AMER1: variants seen among roughly 807,000 people sequenced by gnomAD.
AMER1 encodes APC membrane recruitment protein 1.
A neutral mutation model predicts 53.0 loss-of-function variants in AMER1; 16 were observed. That is an observed-to-expected ratio of 0.30 (90% CI 0.20 to 0.46). The LOEUF (loss-of-function observed/expected upper bound fraction) is 0.46. Ranked by LOEUF, AMER1 falls within the 20% of genes least tolerant of loss-of-function variation. The pLI is 1.00. For synonymous variants in AMER1, 354 were observed against 331.9 expected, an observed-to-expected ratio of 1.07 and a Z score of -0.73; for missense variants, 947 against 884.9, an observed-to-expected ratio of 1.07 and a Z score of -0.89.
rs2147087278 is a variant in AMER1 at position 64,191,421 on chromosome X, C to T, written c.1866G>A (p.Glu622=). 8.3e-7 allele frequency: 1 copy of T among 1,212,089 alleles called. No individual in the cohort carries two copies. Among genetic ancestry groups the T allele is most frequent in the Non-Finnish European group, 1.1e-6 (1 of 895,542 alleles). ...GGGCCTGGGCTTCTCGGGTTCTGGC[C>T]TCCCTGCCATGAGCTTCCCAAGTGT... ...EAHTWEAHGR[E]ARTREAQARE... The change falls in exon 2 of 2, where the codon GAG becomes GAA. Residue 622 remains glutamate, a synonymous_variant. Coordinates refer to ENST00000374869, the MANE Select transcript of AMER1 (RefSeq NM_152424.4).
In AMER1 at chrX:64,191,989, T is replaced by G. The variant is rs766638131; in HGVS notation, c.1298A>C (p.His433Pro). The G allele has an allele frequency of 9.9e-6, 12 of 1,210,448 alleles. No homozygotes were observed. Among genetic ancestry groups the G allele is most frequent in the African/African-American group, 1.7e-5 (1 of 57,235 alleles). Reference protein sequence around the residue: ...LGYHPTTSPGHHGYMLLDPVR... With the variant: ...LGYHPTTSPGPHGYMLLDPVR... ...TGGGTCAAGGAGCATGTAGCCGTGG[T>G]GGCCTGGGGATGTGGTGGGATGGTA... Residue 433 changes from histidine (H) to proline (P), a missense_variant, in exon 2 of 2, where the codon CAC (histidine) becomes CCC (proline). Transcript: ENST00000374869.
chrX:64,199,036 T>C (rs935739881), intron 1 of AMER1, among the ~76,000 whole-genome samples: 1 of 112,409 alleles, frequency 8.9e-6, no homozygotes, highest in African/African-American at 3.2e-5. Context: ...CTTGGCTTGG[T>C]TGGCTGATGG....
Position 64,189,340 on chromosome X carries a change from C to T in AMER1, c.*539G>A. The T allele has an allele frequency of 5.1e-6, 4 of 785,160 alleles. No individual in the cohort carries two copies. Among genetic ancestry groups the T allele is most frequent in the Non-Finnish European group, 6.1e-6 (4 of 658,938 alleles). The allele number at this position is 785,160 out of a possible 1,213,427, so 64.7% of individuals were successfully genotyped here. ...AGCAAATAAGCCCCACTTCCCCAAG[C>T]GGGAGGCAATGCAGACTTGGCTGCT... On this transcript the variant is annotated 3_prime_UTR_variant, in exon 2 of 2. Coordinates refer to ENST00000374869, the MANE Select transcript of AMER1 (RefSeq NM_152424.4).
At position 64,189,932 on chromosome X, in the gene AMER1, A is replaced by C; in HGVS notation, c.3355T>G (p.Ser1119Ala). The change falls in exon 2 of 2, where the codon TCT becomes GCT. Residue 1119 changes from serine to alanine, a missense_variant. Ser to Ala is a moderately conservative substitution (Grantham distance 99, BLOSUM62 1). Transcript: ENST00000374869. ...GTGGAGGAGTAGCTGGTGGCAAGAG[A>C]GGCACCTTGCTCAGCCCTCTCCTTT... ...LSKERAEQGASLATSYSSTAM... is the reference protein window; with the variant it reads ...LSKERAEQGAALATSYSSTAM... 8.3e-7 allele frequency: 1 copy of C among 1,206,819 alleles called. No homozygotes were observed. The highest frequency in any genetic ancestry group is 1.7e-5 in the African/African-American group (1 of 57,498).
In AMER1 at chrX:64,190,262, C is replaced by G. The variant is rs2147084728; in HGVS notation, c.3025G>C (p.Glu1009Gln). The G allele has an allele frequency of 8.3e-7, 1 of 1,211,999 alleles. No homozygotes were observed. The highest frequency in any genetic ancestry group is 1.1e-6 in the Non-Finnish European group (1 of 895,575). Reference protein sequence around the residue: ...MTMSISLSVPESRAPGESGPQ... With the variant: ...MTMSISLSVPQSRAPGESGPQ... ...CCAGATTCCCCAGGTGCCCTTGACTCTGGCACTGATAGTGATATTGACATG... is the reference window on the plus strand; with the variant it reads ...CCAGATTCCCCAGGTGCCCTTGACTGTGGCACTGATAGTGATATTGACATG... The change falls in exon 2 of 2, where the codon GAG becomes CAG. Residue 1009 changes from glutamate (E) to glutamine (Q), a missense_variant. By Grantham distance (29) the Glu-to-Gln change is conservative (BLOSUM62 2). Coordinates refer to ENST00000374869, the MANE Select transcript of AMER1 (RefSeq NM_152424.4).
Position 64,192,908 on chromosome X carries a change from A to G in AMER1, c.379T>C (p.Phe127Leu), listed in dbSNP as rs1930286519. The G allele has an allele frequency of 3.3e-6, 4 of 1,210,097 alleles. No individual in the cohort carries two copies. The African/African-American group carries it at 7.0e-5, about 21-fold the overall frequency. ...SLPLPELPCQ[F>L]PSSQSAHGAL... is the part of the protein sequence containing the mutation. Reference sequence around the variant, plus strand: ...CCATGGGCACTCTGAGAGCTGGGAAATTGGCAGGGTAACTCAGGCAAAGGC... The same window carrying G: ...CCATGGGCACTCTGAGAGCTGGGAAGTTGGCAGGGTAACTCAGGCAAAGGC... The change falls in exon 2 of 2, where the codon TTT becomes CTT. Residue 127 changes from phenylalanine (F) to leucine (L), a missense_variant. Transcript: ENST00000374869.
At position 64,189,799 on chromosome X, in the gene AMER1, A is replaced by ACCCCCCCC; in HGVS notation, c.*79_*80insGGGGGGGG. On this transcript the variant is annotated 3_prime_UTR_variant, in exon 2 of 2. Coordinates refer to ENST00000374869, the MANE Select transcript of AMER1 (RefSeq NM_152424.4). ...GTTTTCAAGTTAAACAACAACCCCC[A>ACCCCCCCC]CCCCCCCACCCTTCTGCCCAACCCC... The ACCCCCCCC allele has an allele frequency of 8.0e-6, 1 of 125,104 alleles. No homozygotes were observed. The highest frequency in any genetic ancestry group is 2.7e-4 in the East Asian group (1 of 3,754). The allele number at this position is 125,104 out of a possible 1,213,427, so 10.3% of individuals were successfully genotyped here.
rs756284718 is a variant in AMER1 at position 64,185,141 on chromosome X, C to A, written c.*4738G>T. Reference sequence around the variant, plus strand: ...GTGACTGAGGGGTTCCCTCTTGAACCCAGAAGTTTATTAGCATTCAGCAAA... The same window carrying A: ...GTGACTGAGGGGTTCCCTCTTGAACACAGAAGTTTATTAGCATTCAGCAAA... On this transcript the variant is annotated 3_prime_UTR_variant, in exon 2 of 2. Transcript: ENST00000374869. 28 of 144,530 alleles carry A rather than the reference C, an allele frequency of 1.9e-4. No individual in the cohort carries two copies. The highest frequency in any genetic ancestry group is 6.8e-4 in the African/African-American group (22 of 32,298). The allele number at this position is 144,530 out of a possible 1,213,427, so 11.9% of individuals were successfully genotyped here.
chrX:64,185,697 G>A lies in AMER1; in HGVS notation c.*4182C>T. ...GGGGAGGGGGAATGGTGGTAGGGGA[G>A]GAGATTCCCCCAAAGCAGCAAGAGG... On this transcript the variant is annotated 3_prime_UTR_variant, in exon 2 of 2. Coordinates refer to ENST00000374869, the MANE Select transcript of AMER1 (RefSeq NM_152424.4). The A allele has an allele frequency of 5.6e-6, 1 of 180,058 alleles. No homozygotes were observed. Among genetic ancestry groups the A allele is most frequent in the Non-Finnish European group, 1.1e-5 (1 of 94,592 alleles). The allele number at this position is 180,058 out of a possible 1,213,427, so 14.8% of individuals were successfully genotyped here.
chrX:64,201,244 C>T (rs765408599), intron 1 of AMER1, among the ~76,000 whole-genome samples: 1 of 110,944 alleles, frequency 9.0e-6, no homozygotes, highest in East Asian at 2.8e-4. Context: ...GGTTCTGGTT[C>T]CCCTGCCTGC....
At chrX:64,204,319 C>G (rs1930550299) in intron 1 of AMER1, among the ~76,000 whole-genome samples, 1 of 113,901 alleles carries the variant, frequency 8.8e-6, no homozygotes, top group African/African-American at 3.2e-5. Context: ...GAACAAGGCT[C>G]GCCTTGACCC....
At position 64,187,018 on chromosome X, in the gene AMER1, CAT is replaced by C. The variant is rs1930124271; in HGVS notation, c.*2859_*2860del. On this transcript the variant is annotated 3_prime_UTR_variant, in exon 2 of 2. Transcript: ENST00000374869. ...TTATTCCAGGACCTTGCAATGGAGA[CAT>C]GTTGTTCATCTAGTAGTACTCTTGG... The C allele has an allele frequency of 1.3e-6, 1 of 778,518 alleles. No individual in the cohort carries two copies. The highest frequency in any genetic ancestry group is 1.5e-6 in the Non-Finnish European group (1 of 653,543). 64.2% of individuals were successfully genotyped at this position (778,518 alleles called of 1,213,427 possible). A position where few individuals can be genotyped will look rare whatever the true frequency, so the allele number is the denominator to read the frequency against.
At position 64,188,377 on chromosome X, in the gene AMER1, T is replaced by A. The variant is rs1482271612; in HGVS notation, c.*1502A>T. On this transcript the variant is annotated 3_prime_UTR_variant, in exon 2 of 2. Coordinates refer to ENST00000374869, the MANE Select transcript of AMER1 (RefSeq NM_152424.4). Reference sequence around the variant, plus strand: ...GCTTGGCAAGATTAGCCTGTTCCAATGTCTTCCTGACAGCAAGCTCTTCCC... The same window carrying A: ...GCTTGGCAAGATTAGCCTGTTCCAAAGTCTTCCTGACAGCAAGCTCTTCCC... 1 of 804,090 alleles carries A rather than the reference T, an allele frequency of 1.2e-6. No homozygotes were observed. The highest frequency in any genetic ancestry group is 7.5e-5 in the Admixed American group (1 of 13,264). 66.3% of individuals were successfully genotyped at this position (804,090 alleles called of 1,213,427 possible).
Position 64,192,942 on chromosome X carries a change from G to T in AMER1, c.345C>A (p.Gly115=). ...GPEDVVSEGT[G]FSLPLPELPC... ...GTAACTCAGGCAAAGGCAGGGAGAAGCCAGTTCCTTCACTGACAACATCTT... is the reference window on the plus strand; with the variant it reads ...GTAACTCAGGCAAAGGCAGGGAGAATCCAGTTCCTTCACTGACAACATCTT... Residue 115 remains glycine (G), a synonymous_variant, in exon 2 of 2, where the codon GGC becomes GGA. Transcript: ENST00000374869. 8.3e-7 allele frequency: 1 copy of T among 1,211,726 alleles called. No homozygotes were observed. The highest frequency in any genetic ancestry group is 3.0e-5 in the East Asian group (1 of 33,822).
Position 64,190,824 on chromosome X carries a change from C to T in AMER1, c.2463G>A (p.Lys821=), listed in dbSNP as rs1441873841. ...IADVERDGEG[K]CEENPEFHND... Reference sequence around the variant, plus strand: ...TGTGGAACTCAGGATTCTCTTCACACTTGCCTTCCCCATCCCGTTCCACAT... The same window carrying T: ...TGTGGAACTCAGGATTCTCTTCACATTTGCCTTCCCCATCCCGTTCCACAT... Residue 821 remains lysine (K), a synonymous_variant, in exon 2 of 2, where the codon AAG becomes AAA. Transcript: ENST00000374869. The T allele has an allele frequency of 2.5e-6, 3 of 1,211,644 alleles. No homozygotes were observed. In the African/African-American group the frequency reaches 5.2e-5, roughly 21 times the overall value.
rs2147082873 is a variant in AMER1, at chrX:64,188,453, A to T, written c.*1426T>A. 1 of 804,583 alleles carries T rather than the reference A, an allele frequency of 1.2e-6. No homozygotes were observed. The allele number at this position is 804,583 out of a possible 1,213,427, so 66.3% of individuals were successfully genotyped here. On this transcript the variant is annotated 3_prime_UTR_variant, in exon 2 of 2. Coordinates refer to ENST00000374869, the MANE Select transcript of AMER1 (RefSeq NM_152424.4). ...CATGAAAACTGCATGGATGCAGGAG[A>T]AGGGAGGGTGCCATTCATTCCATAA... is the stretch of plus-strand genomic sequence containing the variant.
In AMER1 at chrX:64,188,478, A is replaced by T; in HGVS notation, c.*1401T>A. 1 of 803,797 alleles carries T rather than the reference A, an allele frequency of 1.2e-6. No individual in the cohort carries two copies. The highest frequency in any genetic ancestry group is 7.1e-5 in the East Asian group (1 of 14,001). The allele number at this position is 803,797 out of a possible 1,213,427, so 66.2% of individuals were successfully genotyped here. A position where few individuals can be genotyped will look rare whatever the true frequency, so the allele number is the denominator to read the frequency against. Reference sequence around the variant, plus strand: ...AAGGGAGGGTGCCATTCATTCCATAAAGGGCTGCAACTGCCAAGAAGCCCT... The same window carrying T: ...AAGGGAGGGTGCCATTCATTCCATATAGGGCTGCAACTGCCAAGAAGCCCT... On this transcript the variant is annotated 3_prime_UTR_variant, in exon 2 of 2. Transcript: ENST00000374869.
intron 1 of AMER1, among the ~76,000 whole-genome samples, chrX:64,197,155 G>T (rs936729815): frequency 8.9e-6 from 1 of 112,796 alleles, no homozygotes; most frequent in Non-Finnish European, 1.9e-5. Flanking sequence ...ACTGCCAAAT[G>T]CAGGGCCCCA....
At position 64,190,039 on chromosome X, in the gene AMER1, C is replaced by A. The variant is rs1375155725; in HGVS notation, c.3248G>T (p.Gly1083Val). The change falls in exon 2 of 2, where the codon GGC becomes GTC. Residue 1083 changes from glycine (G) to valine (V), a missense_variant. Coordinates refer to ENST00000374869, the MANE Select transcript of AMER1 (RefSeq NM_152424.4). ...PQAKPVGITH[G>V]IPQLPRVRPE... ...CCGGACCCTGGGCAGCTGAGGAATG[C>A]CATGGGTGATGCCCACAGGCTTGGC... 25 of 1,203,530 alleles carry A rather than the reference C, an allele frequency of 2.1e-5. No homozygotes were observed. Among genetic ancestry groups the A allele is most frequent in the Admixed American group, 1.1e-4 (5 of 45,284 alleles).
Sources: gnomAD v4.1 joint callset for allele counts (sites outside exome capture counted in the v4.1 genomes callset) on GRCh38, gnomAD v4.1.1 for gene constraint, MANE v1.5 for transcripts, NCBI Gene and HGNC (gene_info 2026-07-23, HGNC 2026-07-21) for gene names.